Variants in NLGN1 observed in about 807,000 individuals in gnomAD.
NLGN1 encodes the protein neuroligin 1, also known as neuroligin-1.
NLGN1 carries 12 observed loss-of-function variants against 65.5 expected under a neutral mutation model. That is an observed-to-expected ratio of 0.18 (90% CI 0.12 to 0.30). The LOEUF (loss-of-function observed/expected upper bound fraction) is 0.30. NLGN1 is among the 10% of genes least tolerant of loss of function. The pLI is 1.00. For synonymous variants in NLGN1, 350 were observed against 359.5 expected (o/e 0.97, Z 0.30); for missense variants, 750 against 1,007.1 (o/e 0.74, Z 3.46).
At chr3:173,709,803 CAAAAAAAAAAA>C (rs59998502) in intron 3 of NLGN1, among the ~76,000 whole-genome samples, 7 of 69,276 alleles carry the variant, frequency 1.0e-4, no homozygotes, top group Non-Finnish European at 1.6e-4. Flanking sequence ...AACTCTATCT[CAAAAAAAAAAA>C]AAAAAAAAAA....
intron 4 of NLGN1, among the ~76,000 whole-genome samples, chr3:174,165,883 A>T (rs1234466773): frequency 6.6e-6 from 1 of 151,988 alleles, no homozygotes; most frequent in African/African-American, 2.4e-5. Context: ...TCAGAGCTCA[A>T]TATTGGTCTG....
intron 2 of NLGN1, among the ~76,000 whole-genome samples, chr3:173,475,682 T>C (rs373278305): frequency 6.6e-6 from 1 of 152,338 alleles, no homozygotes. Flanking sequence ...AAGAGTTAAT[T>C]AATGACTGAT....
At chr3:173,459,433 T>C (rs895698967) in intron 2 of NLGN1, among the ~76,000 whole-genome samples, 1 of 152,088 alleles carries the variant, frequency 6.6e-6, no homozygotes, top group African/African-American at 2.4e-5. Flanking sequence ...TAACTTTCTT[T>C]TAACTAATGC....
At chr3:173,929,028 A>G (rs765208588) in intron 4 of NLGN1, among the ~76,000 whole-genome samples, 1 of 152,148 alleles carries the variant, frequency 6.6e-6, no homozygotes, top group Non-Finnish European at 1.5e-5. Flanking sequence ...ATTATTATAA[A>G]TCCTATTCTT....
intron 4 of NLGN1, among the ~76,000 whole-genome samples, chr3:173,933,755 A>G (rs556531133): frequency 6.6e-6 from 1 of 152,150 alleles, no homozygotes; most frequent in Non-Finnish European, 1.5e-5. Flanking sequence ...CACAAATCCC[A>G]TTAGGCAGTG....
At chr3:173,808,908 T>C (rs190791917) in intron 4 of NLGN1, among the ~76,000 whole-genome samples, 1 of 152,176 alleles carries the variant, frequency 6.6e-6, no homozygotes, top group Non-Finnish European at 1.5e-5. Flanking sequence ...TTCAGTGTTA[T>C]TGTAACTCCT....
At chr3:173,776,645 C>T (rs967217901) in intron 3 of NLGN1, among the ~76,000 whole-genome samples, 1 of 152,058 alleles carries the variant, frequency 6.6e-6, no homozygotes, top group Admixed American at 6.5e-5. Flanking sequence ...CTGACTACTT[C>T]CTGATGTAAA....
chr3:174,255,274 A>C (rs901808006), intron 4 of NLGN1, among the ~76,000 whole-genome samples: 5 of 151,970 alleles, frequency 3.3e-5, no homozygotes, highest in South Asian at 2.1e-4. Flanking sequence ...TCTCTACTAA[A>C]AATACAAAAA....
chr3:173,706,513 G>A (rs1768065404), intron 3 of NLGN1, among the ~76,000 whole-genome samples: 3 of 152,142 alleles, frequency 2.0e-5, no homozygotes, highest in African/African-American at 2.4e-5. Context: ...TATACTTCAT[G>A]AAAATTTTGG....
intron 4 of NLGN1, among the ~76,000 whole-genome samples, chr3:173,817,623 C>A (rs1719298914): frequency 6.6e-6 from 1 of 152,112 alleles, no homozygotes; most frequent in South Asian, 2.1e-4. Flanking sequence ...GTGAAGAGTT[C>A]TTCTGAATGC....
chr3:174,030,122 C>CT (rs3979617), intron 4 of NLGN1, among the ~76,000 whole-genome samples: 1,202 of 118,286 alleles, frequency 0.01, 13 homozygotes, highest in Admixed American at 0.013. Context: ...TTTAAGTTAG[C>CT]TTTTTTTTTT....
chr3:173,567,604 TA>T (rs1176924037), intron 2 of NLGN1, among the ~76,000 whole-genome samples: 2 of 151,386 alleles, frequency 1.3e-5, no homozygotes, highest in Non-Finnish European at 3.0e-5. Flanking sequence ...CATTTTACTG[TA>T]TTTTTATATA....
intron 3 of NLGN1, among the ~76,000 whole-genome samples, chr3:173,663,203 A>C (rs543058124): frequency 1.3e-5 from 2 of 152,104 alleles, no homozygotes; most frequent in East Asian, 3.9e-4. Context: ...TCTCATCTGA[A>C]AAAGTGTTTA....
At position 174,044,812 on chromosome 3, in the gene NLGN1, A is replaced by T. The variant is rs560143333; in HGVS notation, c.647-230503A>T. Among the ~76,000 whole-genome samples, 7 of 152,244 alleles carry T rather than the reference A, an allele frequency of 4.6e-5. No individual in the cohort carries two copies. In the East Asian group the frequency reaches 1.4e-3, roughly 30 times the overall value. ...GGACCTGGTGGGAGGTAATTGAGTGATGGGGGCAGTTACCCCCGTGCTGCT... is the reference window on the plus strand; with the variant it reads ...GGACCTGGTGGGAGGTAATTGAGTGTTGGGGGCAGTTACCCCCGTGCTGCT... On this transcript the variant is annotated intron_variant, in intron 4 of 6. Transcript: ENST00000457714.
intron 4 of NLGN1, among the ~76,000 whole-genome samples, chr3:174,204,205 T>C (rs1735018908): frequency 6.6e-6 from 1 of 152,192 alleles, no homozygotes; most frequent in Admixed American, 6.5e-5. Context: ...TGACCTATTA[T>C]TACCCCAAGT....
At chr3:174,230,920 T>C (rs1740588264) in intron 4 of NLGN1, among the ~76,000 whole-genome samples, 1 of 152,228 alleles carries the variant, frequency 6.6e-6, no homozygotes, top group African/African-American at 2.4e-5. Context: ...GTTCAAATGA[T>C]AATTTTGAAT....
At chr3:173,967,984 T>C (rs986430718) in intron 4 of NLGN1, among the ~76,000 whole-genome samples, 3 of 152,200 alleles carry the variant, frequency 2.0e-5, no homozygotes, top group Non-Finnish European at 4.4e-5. Context: ...GCTTTGATGG[T>C]AGCTGACGCG....
At chr3:173,419,413 T>A (rs545316229) in intron 1 of NLGN1, among the ~76,000 whole-genome samples, 1 of 152,046 alleles carries the variant, frequency 6.6e-6, no homozygotes, top group Admixed American at 6.5e-5. Context: ...GCAGCTAGCA[T>A]GTCTCTGGTT....
chr3:173,718,929 G>A (rs1353135296), intron 3 of NLGN1, among the ~76,000 whole-genome samples: 2 of 152,128 alleles, frequency 1.3e-5, no homozygotes, highest in Admixed American at 6.6e-5. Context: ...AAATAAAATA[G>A]TTTCTTATAT....
Sources: gnomAD v4.1 joint callset for allele counts (sites outside exome capture counted in the v4.1 genomes callset) on GRCh38, gnomAD v4.1.1 for gene constraint, MANE v1.5 for transcripts, NCBI Gene and HGNC (gene_info 2026-07-23, HGNC 2026-07-21) for gene names.